TAC3: variants seen among roughly 807,000 people sequenced by gnomAD.
TAC3 encodes the protein tachykinin precursor 3.
A neutral mutation model predicts 16.5 loss-of-function variants in TAC3; 9 were observed. That is an observed-to-expected ratio of 0.55 (90% CI 0.33 to 0.95). The LOEUF is 0.95. TAC3 is among the 40% of genes least tolerant of loss of function. The pLI is 0.03. For missense variants in TAC3, 129 were observed against 149.1 expected (o/e 0.87, Z 0.70); for synonymous variants, 52 against 56.7 (o/e 0.92, Z 0.37).
At chr12:57,015,948 G>A in intron 1 of TAC3, 146 bp from the exon 2 acceptor site, 4 of 723,348 alleles carry the variant, frequency 5.5e-6, no homozygotes, top group Non-Finnish European at 9.8e-6. Flanking sequence ...CCCTGGTCTG[G>A]AGAGAGGGTG....
intron 4 of TAC3, 34 bp from the exon 5 acceptor site, chr12:57,012,909 G>T: frequency 1.2e-6 from 2 of 1,613,796 alleles, no homozygotes; most frequent in Non-Finnish European, 1.7e-6. Flanking sequence ...CAGCAGTGAT[G>T]ATGAGAAAGT....
rs2270734 is a variant in TAC3 at position 57,012,540 on chromosome 12, G to A, written c.293-88C>T. On this transcript the variant is annotated intron_variant, in intron 5 of 6. Coordinates refer to ENST00000458521, the MANE Select transcript of TAC3 (RefSeq NM_013251.4). The stretch of plus-strand genomic sequence containing the variant: ...CAACAGCAAAGGGCTGGCTATGACG[G>A]GCAGTGTTCAAAGACAGAGTTGGGA... The A allele has an allele frequency of 7.4e-3, 11,892 of 1,601,572 alleles. 1,272 individuals carry two copies. The Admixed American group carries it at 0.18, about 24-fold the overall frequency.
rs748431233 is a variant in TAC3, at chr12:57,012,433, A to G, written c.312T>C (p.Asn104=). 5.0e-6 allele frequency: 8 copies of G among 1,612,766 alleles called. No individual in the cohort carries two copies. Among genetic ancestry groups the G allele is most frequent in the Middle Eastern group, 1.7e-4 (1 of 6,058 alleles). The change falls in exon 6 of 7, where the codon AAT becomes AAC. Residue 104 remains asparagine, a synonymous_variant. Coordinates refer to ENST00000458521, the MANE Select transcript of TAC3 (RefSeq NM_013251.4). The stretch of plus-strand genomic sequence containing the variant: ...TGCCAAAGCTGGGGACGTTCTCTTG[A>G]TTCACATCCGTAGGAGAGTCTAGGG... ...SVQPDSPTDV[N]QENVPSFGIL... is the part of the protein sequence containing the mutation.
chr12:57,013,101 G>GA, intron 4 of TAC3: 1 of 734,384 alleles, frequency 1.4e-6, no homozygotes, highest in East Asian at 2.7e-5. Context: ...GCCTGATTTG[G>GA]AATTTTCAGG....
intron 2 of TAC3, among the ~76,000 whole-genome samples, chr12:57,014,198 C>T (rs2136420218): frequency 6.6e-6 from 1 of 152,230 alleles, no homozygotes; most frequent in South Asian, 2.1e-4. Context: ...AGAGCTGTTG[C>T]CCAGCACGGG....
chr12:57,012,795 T>C, intron 5 of TAC3, 27 bp downstream of exon 5: 2 of 1,614,090 alleles, frequency 1.2e-6, no homozygotes, highest in Non-Finnish European at 1.7e-6. Flanking sequence ...CCCTAAGCCC[T>C]TCCACTGTAC....
chr12:57,013,358 C>T lies in TAC3; in HGVS notation c.238+1G>A. 6.2e-7 allele frequency: 1 copy of T among 1,613,980 alleles called. No homozygotes were observed. Among genetic ancestry groups the T allele is most frequent in the Non-Finnish European group, 8.5e-7 (1 of 1,179,906 alleles). On this transcript the variant is annotated splice_donor_variant, in intron 4 of 6. Coordinates refer to ENST00000458521, the MANE Select transcript of TAC3 (RefSeq NM_013251.4). LOFTEE classifies it high-confidence loss of function. Reference sequence around the variant, plus strand: ...ATAGGGAGGGAGAAGAGGGTACTTACGTTTCTCGGGAGATGTTGATTCCTT... The same window carrying T: ...ATAGGGAGGGAGAAGAGGGTACTTATGTTTCTCGGGAGATGTTGATTCCTT...
intron 6 of TAC3, 77 bp downstream of exon 6, chr12:57,012,300 TG>T: frequency 7.7e-7 from 1 of 1,299,780 alleles, no homozygotes; most frequent in Non-Finnish European, 1.1e-6. Context: ...ACCTGTAGCA[TG>T]GGAGGAAATG....
chr12:57,015,747 C>T lies in TAC3; in HGVS notation c.51G>A (p.Gln17=). 1 of 1,614,204 alleles carries T rather than the reference C, an allele frequency of 6.2e-7. No individual in the cohort carries two copies. The highest frequency in any genetic ancestry group is 8.5e-7 in the Non-Finnish European group (1 of 1,180,036). Residue 17 remains glutamine, a synonymous_variant, in exon 2 of 7, where the codon CAG becomes CAA. Coordinates refer to ENST00000458521, the MANE Select transcript of TAC3 (RefSeq NM_013251.4). ...FTAILAFSLA[Q]SFGAVCKEPQ... The stretch of plus-strand genomic sequence containing the variant: ...GCTCCTTACAGACAGCCCCAAAGCT[C>T]TGAGCTAGGCTGAAGGCCAGGATGG...
rs779944286 is a variant in TAC3 at position 57,012,403 on chromosome 12, G to C, written c.342C>G (p.Leu114=). 2 of 1,613,156 alleles carry C rather than the reference G, an allele frequency of 1.2e-6. No homozygotes were observed. The highest frequency in any genetic ancestry group is 1.7e-6 in the Non-Finnish European group (2 of 1,179,492). ...CCTATTCTGCTCTCGGGGGATACTT[G>C]AGGATGCCAAAGCTGGGGACGTTCT... ...NQENVPSFGI[L]KYPPRAE is the part of the protein sequence containing the mutation. The change falls in exon 6 of 7, where the codon CTC becomes CTG. Residue 114 remains leucine (L), a synonymous_variant. Coordinates refer to ENST00000458521, the MANE Select transcript of TAC3 (RefSeq NM_013251.4).
intron 2 of TAC3, 64 bp downstream of exon 2, chr12:57,015,620 T>A (rs1452822080): frequency 4.8e-6 from 7 of 1,450,904 alleles, no homozygotes; most frequent in Non-Finnish European, 6.7e-6. Context: ...TCACTACAGC[T>A]GTCCAGACAG....
At chr12:57,013,202 T>C in intron 4 of TAC3, 157 bp downstream of exon 4, 2 of 958,740 alleles carry the variant, frequency 2.1e-6, no homozygotes, top group South Asian at 1.4e-5. Flanking sequence ...TAGTTCTGGA[T>C]GGCCTCTCCC....
At chr12:57,016,266 C>T (rs754308882) in intron 1 of TAC3, 121 bp downstream of exon 1, 19 of 353,342 alleles carry the variant, frequency 5.4e-5, no homozygotes, top group Admixed American at 1.8e-4. Flanking sequence ...GTGCTTTGTG[C>T]TCACCTTCCC....
intron 6 of TAC3, chr12:57,010,708 A>T: frequency 6.4e-6 from 1 of 156,422 alleles, no homozygotes; most frequent in Non-Finnish European, 1.4e-5. Context: ...GAGGAAGCAC[A>T]GGCCCAGGGA....
In TAC3 at chr12:57,012,420, G is replaced by A. The variant is rs768926004; in HGVS notation, c.325C>T (p.Pro109Ser). ...SPTDVNQENV[P>S]SFGILKYPPR... ...GGATACTTGAGGATGCCAAAGCTGGGGACGTTCTCTTGATTCACATCCGTA... is the reference window on the plus strand; with the variant it reads ...GGATACTTGAGGATGCCAAAGCTGGAGACGTTCTCTTGATTCACATCCGTA... The change falls in exon 6 of 7, where the codon CCC becomes TCC. Residue 109 changes from proline to serine, a missense_variant. Transcript: ENST00000458521. The A allele has an allele frequency of 1.2e-6, 2 of 1,613,920 alleles. No homozygotes were observed. Among genetic ancestry groups the A allele is most frequent in the Non-Finnish European group, 1.7e-6 (2 of 1,180,014 alleles).
At chr12:57,013,280 C>G (rs1956326626) in intron 4 of TAC3, 79 bp downstream of exon 4, 1 of 1,552,414 alleles carries the variant, frequency 6.4e-7, no homozygotes, top group Non-Finnish European at 8.9e-7. Flanking sequence ...AGGGGCTGGA[C>G]AAAATGGCCC....
chr12:57,012,485 A>T lies in TAC3; in HGVS notation c.293-33T>A, dbSNP rs371679464. ...AAAGCGAACAGTGTAAGTAAGAGGG[A>T]TCTTTCTGAATGTGAACTACACCCT... On this transcript the variant is annotated intron_variant, in intron 5 of 6. Transcript: ENST00000458521. 153 of 1,612,648 alleles carry T rather than the reference A, an allele frequency of 9.5e-5. No homozygotes were observed. The African/African-American group carries it at 1.9e-3, about 20-fold the overall frequency.
At chr12:57,012,585 T>C in intron 5 of TAC3, 133 bp from the exon 6 acceptor site, 1 of 1,604,014 alleles carries the variant, frequency 6.2e-7, no homozygotes, top group Non-Finnish European at 8.5e-7. Context: ...GGAAGCAGAG[T>C]CTCCCTATCC....
At chr12:57,015,601 C>T (rs1956360635) in intron 2 of TAC3, 83 bp downstream of exon 2, 6 of 1,269,856 alleles carry the variant, frequency 4.7e-6, no homozygotes, top group Non-Finnish European at 6.8e-6. Context: ...CCCCCCCACC[C>T]CAGTTTCCTC....
Sources: gnomAD v4.1 joint callset for allele counts (sites outside exome capture counted in the v4.1 genomes callset) on GRCh38, gnomAD v4.1.1 for gene constraint, MANE v1.5 for transcripts, NCBI Gene and HGNC (gene_info 2026-07-23, HGNC 2026-07-21) for gene names.